The following NBPF20 variants were observed in gnomAD, a reference collection of about 807,000 sequenced individuals.
The protein encoded by NBPF20 is NBPF member 20.
A neutral mutation model predicts 68.1 loss-of-function variants in NBPF20; 90 were observed. The observed-to-expected ratio is 1.32, with a 90% CI of 1.11 to 1.58. The LOEUF is 1.58. Among genes scored for constraint, NBPF20 ranks in the 40% most tolerant of loss-of-function variants. The pLI is 0.00. For missense variants in NBPF20, 816 were observed against 601.2 expected (o/e 1.36, Z -3.74); for synonymous variants, 290 against 228.1 (o/e 1.27, Z -2.45).
At chr1:145,403,107 T>C in intron 3 of NBPF20, 109 bp downstream of exon 8, 7 of 1,219,522 alleles carry the variant, frequency 5.7e-6, no homozygotes, top group Non-Finnish European at 6.0e-6. Context: ...CCATGGCAAT[T>C]CCTGCCCTTC....
chr1:145,417,707 C>T, the NBPF20 span, among the ~76,000 whole-genome samples: 3 of 146,104 alleles, frequency 2.1e-5, no homozygotes, highest in Non-Finnish European at 3.0e-5. Context: ...GAGAAAGATG[C>T]TCAAAATCAT....
intron 9 of NBPF20, 79 bp from the exon 15 acceptor site, chr1:145,393,325 C>A: frequency 2.9e-6 from 2 of 680,594 alleles, no homozygotes; most frequent in Admixed American, 2.1e-5. Flanking sequence ...TCATGGCTAA[C>A]GTAAGGAAGA....
Position 145,400,514 on chromosome 1 carries a change from C to T in NBPF20, c.647G>A (p.Gly216Asp), listed in dbSNP as rs1291887368. ...ATGTGGCTGGTTGGAGTCATAAGGG[C>T]CATGGCTATTTGAATAAGTGATGGC... Residue 216 changes from glycine to aspartate, a missense_variant, in exon 6 of 138, where the codon GGC becomes GAC. Coordinates refer to ENST00000369373, the Ensembl canonical transcript of NBPF20. The T allele has an allele frequency of 1.9e-6, 3 of 1,612,790 alleles. No individual in the cohort carries two copies. The African/African-American group carries it at 4.0e-5, about 22-fold the overall frequency.
exon 138 of NBPF20, chr1:145,290,365 A>G (rs1660988202): frequency 6.7e-6 from 1 of 149,510 alleles, no homozygotes; most frequent in African/African-American, 2.5e-5. Flanking sequence ...ATGGTGATGG[A>G]CAAACTAGAC....
exon 9 of NBPF20, chr1:145,393,887 G>C (rs1662072902): frequency 1.3e-6 from 2 of 1,544,816 alleles, no homozygotes; most frequent in African/African-American, 1.4e-5. Context: ...GACTCACCTG[G>C]GACCTGTTGC....
chr1:145,292,455 C>A (rs587597248), exon 137 of NBPF20: 35 of 717,046 alleles, frequency 4.9e-5, no homozygotes, highest in South Asian at 4.1e-4. Flanking sequence ...ATCTTCTTCC[C>A]CTTCTTTTCT....
At chr1:145,399,892 A>C (rs1381042735) in intron 6 of NBPF20, among the ~76,000 whole-genome samples, 1 of 151,280 alleles carries the variant, frequency 6.6e-6, no homozygotes, top group Non-Finnish European at 1.5e-5. Flanking sequence ...TATATCAGCA[A>C]AGTAAAGAAG....
intron 112 of NBPF20, among the ~76,000 whole-genome samples, chr1:145,311,816 T>A (rs1661489572): frequency 1.0e-5 from 1 of 98,404 alleles, no homozygotes. Context: ...ACTGCACTAT[T>A]CAGCCCTGTC....
chr1:145,311,660 T>A (rs1309707111), intron 112 of NBPF20, among the ~76,000 whole-genome samples, 172 bp from the exon 118 acceptor site: 1 of 25,686 alleles, frequency 3.9e-5, no homozygotes, highest in Non-Finnish European at 5.7e-5. Flanking sequence ...GATTCCTTGG[T>A]TTTTGTCCCA....
At chr1:145,404,631 C>T (rs1371593148) in intron 2 of NBPF20, among the ~76,000 whole-genome samples, 1 of 152,160 alleles carries the variant, frequency 6.6e-6, no homozygotes, top group Non-Finnish European at 1.5e-5. Flanking sequence ...CTTGAAGCCC[C>T]TCAGAGCAGG....
intron 7 of NBPF20, among the ~76,000 whole-genome samples, chr1:145,397,628 A>C (rs2101556820): frequency 6.6e-6 from 1 of 152,334 alleles, no homozygotes; most frequent in Non-Finnish European, 1.5e-5. Context: ...CACTACAAAA[A>C]CATGCCAAAC....
chr1:145,410,593 G>T, the NBPF20 span, among the ~76,000 whole-genome samples: 2 of 151,152 alleles, frequency 1.3e-5, no homozygotes, highest in South Asian at 2.1e-4. Context: ...GATTACAGGC[G>T]TGAGCCACCG....
chr1:145,398,107 A>T, intron 7 of NBPF20, among the ~76,000 whole-genome samples: 1 of 152,100 alleles, frequency 6.6e-6, no homozygotes, highest in African/African-American at 2.4e-5. Context: ...CTACAAAGAG[A>T]TTTAGACTCC....
chr1:145,413,506 T>C, the NBPF20 span, among the ~76,000 whole-genome samples: 9 of 152,102 alleles, frequency 5.9e-5, no homozygotes, highest in South Asian at 2.1e-4. Context: ...CAAAACAAGA[T>C]GGATGAATCT....
At chr1:145,291,762 C>T (rs1142502) in exon 138 of NBPF20, 29 of 1,611,760 alleles carry the variant, frequency 1.8e-5, no homozygotes, top group African/African-American at 1.2e-4. Context: ...ATCAGCACGC[C>T]GTTGAGCCTG....
chr1:145,334,897 T>C (rs1322316621), intron 83 of NBPF20, among the ~76,000 whole-genome samples: 1 of 133,916 alleles, frequency 7.5e-6, no homozygotes, highest in Non-Finnish European at 1.7e-5. Flanking sequence ...GGTGACACAC[T>C]GATGAAGGGG....
At chr1:145,393,458 A>ACAC (rs1349838912) in intron 9 of NBPF20, among the ~76,000 whole-genome samples, 5 of 145,156 alleles carry the variant, frequency 3.4e-5, no homozygotes, top group Admixed American at 1.4e-4. Context: ...CACACACACA[A>ACAC]ACACACACAC....
At chr1:145,341,469 T>C (rs1468127119) in intron 75 of NBPF20, 95 bp downstream of exon 80, 210 of 9,262 alleles carry the variant, frequency 0.023, no homozygotes, top group Non-Finnish European at 0.048. Context: ...TCAGCCTTCG[T>C]TGAAAACATG....
At chr1:145,396,838 A>ATACATGTC (rs1411826138) in intron 7 of NBPF20, among the ~76,000 whole-genome samples, 2 of 144,098 alleles carry the variant, frequency 1.4e-5, no homozygotes, top group Non-Finnish European at 3.0e-5. Flanking sequence ...TTACATATGT[A>ATACATGTC]TACATGTCCA....
Sources: gnomAD v4.1 joint callset for allele counts (sites outside exome capture counted in the v4.1 genomes callset) on GRCh38, gnomAD v4.1.1 for gene constraint, MANE v1.5 for transcripts, NCBI Gene and HGNC (gene_info 2026-07-23, HGNC 2026-07-21) for gene names.